Variants in GPC6 observed in about 807,000 individuals in gnomAD.
GPC6 encodes the protein glypican 6.
In GPC6, 14 loss-of-function variants were observed where a neutral mutation model predicts 55.2. That is an observed-to-expected ratio of 0.25 (90% confidence interval 0.17 to 0.40). GPC6 has a LOEUF of 0.40. Among genes scored for constraint, GPC6 ranks in the 10% least tolerant of loss-of-function variants. The pLI, the probability that GPC6 is intolerant of heterozygous loss-of-function variation, is 1.00. For synonymous variants in GPC6, 278 were observed against 259.6 expected (o/e 1.07, Z -0.68); for missense variants, 641 against 708.5 (o/e 0.90, Z 1.08).
intron 2 of GPC6, among the ~76,000 whole-genome samples, chr13:93,806,635 C>T (rs1199814489): frequency 1.3e-5 from 2 of 152,124 alleles, no homozygotes; most frequent in South Asian, 2.1e-4. Flanking sequence ...TCACCACATC[C>T]GGCCCACTTG....
intron 6 of GPC6, among the ~76,000 whole-genome samples, chr13:94,307,527 G>A (rs538079763): frequency 6.6e-6 from 1 of 152,162 alleles, no homozygotes; most frequent in South Asian, 2.1e-4. Context: ...TGTCCAGGCT[G>A]GTCTCGAACT....
At chr13:94,371,778 C>T (rs763337417) in intron 6 of GPC6, among the ~76,000 whole-genome samples, 1 of 152,174 alleles carries the variant, frequency 6.6e-6, no homozygotes, top group Admixed American at 6.5e-5. Flanking sequence ...AACCCCCATA[C>T]AGATTCAATA....
At chr13:93,898,939 A>AT (rs1376413524) in intron 3 of GPC6, among the ~76,000 whole-genome samples, 3 of 90,890 alleles carry the variant, frequency 3.3e-5, no homozygotes, top group Non-Finnish European at 4.2e-5. Flanking sequence ...TATTATATAT[A>AT]AATATATATA....
At position 93,371,137 on chromosome 13, in the gene GPC6, T is replaced by A. The variant is rs75538929; in HGVS notation, c.160+143521T>A. Among the ~76,000 whole-genome samples, 349 of 152,272 alleles carry A rather than the reference T, an allele frequency of 2.3e-3. 5 individuals are homozygous for A. The East Asian group carries it at 0.052, about 23-fold the overall frequency. On this transcript the variant is annotated intron_variant, in intron 1 of 8. Coordinates refer to ENST00000377047, the MANE Select transcript of GPC6 (RefSeq NM_005708.5). ...AAAACTAGGTTGAAATGTAACATAG[T>A]TCTTGACATATGCATTTTTCCAAAG...
intron 2 of GPC6, among the ~76,000 whole-genome samples, chr13:93,746,524 C>G (rs1392379667): frequency 1.3e-5 from 2 of 152,146 alleles, no homozygotes; most frequent in Non-Finnish European, 1.5e-5. Context: ...AGCAAGCATA[C>G]ACTTCCAATT....
At chr13:94,021,755 A>C (rs1882703572) in intron 3 of GPC6, among the ~76,000 whole-genome samples, 1 of 152,094 alleles carries the variant, frequency 6.6e-6, no homozygotes. Context: ...TGTAATATCA[A>C]TTACAAAATA....
intron 3 of GPC6, among the ~76,000 whole-genome samples, chr13:93,981,383 A>G (rs1223370230): frequency 6.6e-6 from 1 of 152,210 alleles, no homozygotes; most frequent in Non-Finnish European, 1.5e-5. Flanking sequence ...TTATTTAGTG[A>G]AAGAGTTAAT....
chr13:93,642,208 A>G (rs568922910), intron 2 of GPC6, among the ~76,000 whole-genome samples: 48 of 152,124 alleles, frequency 3.2e-4, no homozygotes, highest in Non-Finnish European at 5.0e-4. Context: ...TGTGTGCCCA[A>G]TGGTTAGCTC....
In GPC6 at chr13:94,056,738, A is replaced by G. The variant is rs577237354; in HGVS notation, c.877+28844A>G. 4.6e-5 allele frequency among the ~76,000 whole-genome samples: 7 copies of G among 152,358 alleles called. No homozygotes were observed. In the East Asian group the frequency reaches 7.7e-4, roughly 17 times the overall value. On this transcript the variant is annotated intron_variant, in intron 4 of 8. Transcript: ENST00000377047. Reference sequence around the variant, plus strand: ...CTAATGATCAATAATGGAAAAATCCATTAGTCCAACGATAATTTCTCCCAT... The same window carrying G: ...CTAATGATCAATAATGGAAAAATCCGTTAGTCCAACGATAATTTCTCCCAT...
chr13:93,659,238 T>C (rs1156234380), intron 2 of GPC6, among the ~76,000 whole-genome samples: 1 of 151,946 alleles, frequency 6.6e-6, no homozygotes, highest in Admixed American at 6.6e-5. Context: ...TTTTTGTGGA[T>C]TAGTTCCCTA....
chr13:93,633,115 A>G (rs1172866535), intron 2 of GPC6, among the ~76,000 whole-genome samples: 1 of 152,174 alleles, frequency 6.6e-6, no homozygotes, highest in Non-Finnish European at 1.5e-5. Context: ...TCTGCATTTA[A>G]TGTGTTCTCA....
At chr13:93,733,513 A>G (rs570241065) in intron 2 of GPC6, among the ~76,000 whole-genome samples, 11 of 150,650 alleles carry the variant, frequency 7.3e-5, no homozygotes, top group Non-Finnish European at 1.5e-4. Flanking sequence ...CAGGCATAAA[A>G]TATATATAAA....
chr13:94,134,152 A>G (rs1185784798), intron 4 of GPC6, among the ~76,000 whole-genome samples: 1 of 152,196 alleles, frequency 6.6e-6, no homozygotes, highest in Admixed American at 6.5e-5. Context: ...GACAAATTGG[A>G]AATGGTTGAA....
chr13:93,980,732 G>A (rs1049339104), intron 3 of GPC6, among the ~76,000 whole-genome samples: 1 of 152,118 alleles, frequency 6.6e-6, no homozygotes, highest in Non-Finnish European at 1.5e-5. Context: ...TGTGTCTTTT[G>A]TGTGTTTGGA....
chr13:93,628,658 C>T (rs1388459750), intron 2 of GPC6, among the ~76,000 whole-genome samples: 1 of 152,122 alleles, frequency 6.6e-6, no homozygotes, highest in Non-Finnish European at 1.5e-5. Context: ...CCAGTGACTC[C>T]ACTTGGATTC....
intron 3 of GPC6, among the ~76,000 whole-genome samples, chr13:93,912,702 C>T (rs927441934): frequency 6.6e-6 from 1 of 152,162 alleles, no homozygotes; most frequent in Admixed American, 6.5e-5. Context: ...GAGATTGCGC[C>T]ACTGCACTCC....
intron 1 of GPC6, among the ~76,000 whole-genome samples, chr13:93,444,867 T>C (rs925557309): frequency 6.6e-6 from 1 of 152,244 alleles, no homozygotes; most frequent in African/African-American, 2.4e-5. Flanking sequence ...GTCTAATATT[T>C]TGGTAGTATA....
At position 93,776,007 on chromosome 13, in the gene GPC6, G is replaced by A. The variant is rs146448504; in HGVS notation, c.320-54147G>A. Among the ~76,000 whole-genome samples, 325 of 122,718 alleles carry A rather than the reference G, an allele frequency of 2.6e-3. 2 individuals are homozygous for A. Among genetic ancestry groups the A allele is most frequent in the African/African-American group, 9.5e-3 (309 of 32,482 alleles). 80.5% of individuals were successfully genotyped at this position (122,718 alleles called of 152,430 possible). On this transcript the variant is annotated intron_variant, in intron 2 of 8. Transcript: ENST00000377047. ...ACCCCCTTTGGAAAACACATGATTC[G>A]GTTTCATTTACTTTTAAAGCCTTTT...
intron 4 of GPC6, among the ~76,000 whole-genome samples, chr13:94,211,593 A>G (rs1351939621): frequency 6.6e-6 from 1 of 152,242 alleles, no homozygotes; most frequent in Non-Finnish European, 1.5e-5. Context: ...TGTGCTACTG[A>G]TAGCACCTGT....
Sources: gnomAD v4.1 joint callset for allele counts (sites outside exome capture counted in the v4.1 genomes callset) on GRCh38, gnomAD v4.1.1 for gene constraint, MANE v1.5 for transcripts, NCBI Gene and HGNC (gene_info 2026-07-23, HGNC 2026-07-21) for gene names.